The following LAPTM4B variants were observed in gnomAD, a reference collection of about 807,000 sequenced individuals.
The protein encoded by LAPTM4B is lysosomal protein transmembrane 4 beta.
Under a neutral mutation model 28.5 loss-of-function variants are expected in LAPTM4B, and 26 were observed. The observed-to-expected ratio is 0.91, with a 90% CI of 0.67 to 1.27. The LOEUF (loss-of-function observed/expected upper bound fraction) is 1.27, where lower values mean the gene tolerates loss of function less well. LAPTM4B is among the 50% of genes most tolerant of loss of function. The pLI is 0.00. For missense variants in LAPTM4B, 288 were observed against 285.8 expected, an observed-to-expected ratio of 1.01 and a Z score of -0.06; for synonymous variants, 109 against 106.4, an observed-to-expected ratio of 1.02 and a Z score of -0.15.
Position 97,775,870 on chromosome 8 carries a change from C to T in LAPTM4B, c.-140C>T, listed in dbSNP as rs751066466. ...CGGAGCTCTCGGGGTATCGAGGAGG[C>T]AGGCCCGCGGGCGCACGGGCGAGCG... is the stretch of plus-strand genomic sequence containing the variant. On this transcript the variant is annotated 5_prime_UTR_variant, in exon 1 of 7. Coordinates refer to ENST00000521545, the MANE Select transcript of LAPTM4B (RefSeq NM_018407.6). 6.7e-6 allele frequency: 10 copies of T among 1,502,140 alleles called. No homozygotes were observed. Among genetic ancestry groups the T allele is most frequent in the Admixed American group, 4.3e-5 (2 of 46,050 alleles). 93.1% of individuals were successfully genotyped at this position (1,502,140 alleles called of 1,614,324 possible).
At chr8:97,803,984 TGTTA>T (rs1015701956) in intron 1 of LAPTM4B, among the ~76,000 whole-genome samples, 19 of 152,236 alleles carry the variant, frequency 1.2e-4, no homozygotes, top group Non-Finnish European at 2.2e-4. Context: ...TAGTTAGTGT[TGTTA>T]GTAAGAGGCT....
intron 5 of LAPTM4B, among the ~76,000 whole-genome samples, chr8:97,823,258 A>G (rs1164628662): frequency 6.6e-6 from 1 of 151,780 alleles, no homozygotes; most frequent in Non-Finnish European, 1.5e-5. Context: ...TGGAGTGTGT[A>G]GTAGGTGAAT....
At chr8:97,842,322 T>C (rs72673467) in intron 6 of LAPTM4B, among the ~76,000 whole-genome samples, 19,167 of 152,058 alleles carry the variant, frequency 0.13, 1,411 homozygotes, top group East Asian at 0.19. Flanking sequence ...AGGCCCTATT[T>C]GGCCCACATA....
intron 5 of LAPTM4B, among the ~76,000 whole-genome samples, chr8:97,819,692 C>A (rs1441034170): frequency 6.7e-6 from 1 of 149,064 alleles, no homozygotes; most frequent in African/African-American, 2.5e-5. Context: ...TTAAGTACAT[C>A]CTTATATTTA....
chr8:97,809,529 G>A (rs977282360), intron 2 of LAPTM4B, among the ~76,000 whole-genome samples: 2 of 152,028 alleles, frequency 1.3e-5, no homozygotes, highest in Non-Finnish European at 2.9e-5. Context: ...GCAAAACCCT[G>A]TCTCAACCAA....
intron 1 of LAPTM4B, among the ~76,000 whole-genome samples, chr8:97,801,179 CTTT>C (rs11312833): frequency 6.8e-5 from 9 of 132,762 alleles, no homozygotes; most frequent in Non-Finnish European, 7.9e-5. Flanking sequence ...GTTCTTCATA[CTTT>C]TTTTTTTTTT....
chr8:97,793,893 A>T (rs1169371647), intron 1 of LAPTM4B, among the ~76,000 whole-genome samples: 1 of 152,068 alleles, frequency 6.6e-6, no homozygotes, highest in East Asian at 1.9e-4. Flanking sequence ...TGCAGCCTTG[A>T]ACTCATGGGC....
At chr8:97,810,705 T>C (rs1029539080) in intron 2 of LAPTM4B, among the ~76,000 whole-genome samples, 6 of 152,250 alleles carry the variant, frequency 3.9e-5, no homozygotes, top group African/African-American at 1.4e-4. Flanking sequence ...AATTATAACA[T>C]CAAGTGTCTG....
intron 6 of LAPTM4B, among the ~76,000 whole-genome samples, chr8:97,831,342 A>G (rs1299980882): frequency 2.6e-5 from 4 of 152,162 alleles, no homozygotes; most frequent in Non-Finnish European, 5.9e-5. Flanking sequence ...ATCAACCCAG[A>G]CTAGGAGGGT....
At chr8:97,832,340 A>G (rs1393535172) in intron 6 of LAPTM4B, among the ~76,000 whole-genome samples, 1 of 152,114 alleles carries the variant, frequency 6.6e-6, no homozygotes, top group Non-Finnish European at 1.5e-5. Context: ...TGGTAGCTAC[A>G]TTTGGGGGCC....
chr8:97,810,445 A>G (rs1175997892), intron 2 of LAPTM4B, among the ~76,000 whole-genome samples: 1 of 152,224 alleles, frequency 6.6e-6, no homozygotes, highest in Non-Finnish European at 1.5e-5. Context: ...TGCTACAGCT[A>G]GGTAAATTGT....
intron 6 of LAPTM4B, among the ~76,000 whole-genome samples, chr8:97,835,783 C>T (rs1208054971): frequency 6.6e-6 from 1 of 152,176 alleles, no homozygotes; most frequent in African/African-American, 2.4e-5. Flanking sequence ...ACCACACTCT[C>T]CACTGCTGCC....
intron 1 of LAPTM4B, among the ~76,000 whole-genome samples, chr8:97,782,707 A>T (rs2129722101): frequency 6.7e-6 from 1 of 149,390 alleles, no homozygotes; most frequent in South Asian, 2.1e-4. Context: ...AAGTGCTGGG[A>T]TTACGGGCGT....
intron 5 of LAPTM4B, among the ~76,000 whole-genome samples, chr8:97,823,789 C>G (rs996141336): frequency 4.0e-5 from 6 of 151,660 alleles, no homozygotes; most frequent in African/African-American, 1.5e-4. Flanking sequence ...CTGCCACCTC[C>G]CGGGTTCAAG....
intron 6 of LAPTM4B, among the ~76,000 whole-genome samples, chr8:97,836,199 T>C (rs928819716): frequency 6.6e-6 from 1 of 152,220 alleles, no homozygotes; most frequent in African/African-American, 2.4e-5. Flanking sequence ...TGTTTTGTTT[T>C]GTTTTTTGAG....
At position 97,776,048 on chromosome 8, in the gene LAPTM4B, C is replaced by T. The variant is rs769733485; in HGVS notation, c.39C>T (p.Asn13=). The T allele has an allele frequency of 2.5e-6, 4 of 1,588,086 alleles. No individual in the cohort carries two copies. The highest frequency in any genetic ancestry group is 4.9e-5 in the East Asian group (2 of 41,028). The change falls in exon 1 of 7, where the codon AAC becomes AAT. Residue 13 remains asparagine, a synonymous_variant. Coordinates refer to ENST00000521545, the MANE Select transcript of LAPTM4B (RefSeq NM_018407.6). ...CGCCCTGGACGCGGTTCTACTCCAA[C>T]AGCTGCTGCTTGTGCTGCCATGTCC... ...MVAPWTRFYS[N]SCCLCCHVRT...
At chr8:97,796,097 A>G (rs1382752391) in intron 1 of LAPTM4B, among the ~76,000 whole-genome samples, 2 of 151,998 alleles carry the variant, frequency 1.3e-5, no homozygotes, top group Non-Finnish European at 2.9e-5. Flanking sequence ...GCGCCACCCT[A>G]TCCGCTTAGT....
chr8:97,846,327 ATTTTT>A (rs57959152), intron 6 of LAPTM4B, among the ~76,000 whole-genome samples: 1 of 138,878 alleles, frequency 7.2e-6, no homozygotes, highest in African/African-American at 2.6e-5. Context: ...AGAGTATCCA[ATTTTT>A]TTTTTTTTTT....
intron 1 of LAPTM4B, among the ~76,000 whole-genome samples, chr8:97,780,124 A>G (rs1171869123): frequency 1.3e-5 from 2 of 151,558 alleles, no homozygotes; most frequent in Non-Finnish European, 2.9e-5. Flanking sequence ...GACAAGGCAG[A>G]TATTTAAATA....
Sources: allele counts gnomAD v4.1 joint callset (sites outside exome capture counted in the v4.1 genomes callset), GRCh38; gene constraint gnomAD v4.1.1; transcripts MANE v1.5; gene names NCBI Gene and HGNC (gene_info 2026-07-23, HGNC 2026-07-21).